PLPP1: variants seen among roughly 807,000 people sequenced by gnomAD.
PLPP1 encodes phospholipid phosphatase 1, also known as lipid phosphate phosphohydrolase 1a.
PLPP1 carries 24 observed loss-of-function variants against 31.2 expected under a neutral mutation model. The ratio of observed to expected loss-of-function variants is 0.77; its 90% CI spans 0.56 to 1.08. PLPP1 has a LOEUF of 1.08. Ranked by LOEUF, PLPP1 falls within the 50% of genes least tolerant of loss-of-function variation. The pLI is 0.00. For synonymous variants in PLPP1, 146 were observed against 126.3 expected (o/e 1.16, Z -1.05); for missense variants, 319 against 342.7 (o/e 0.93, Z 0.55).
At chr5:55,458,453 T>A (rs1052864533) in intron 3 of PLPP1, among the ~76,000 whole-genome samples, 3 of 152,024 alleles carry the variant, frequency 2.0e-5, no homozygotes, top group African/African-American at 7.2e-5. Context: ...TATGAAGATG[T>A]ATATTGTAAC....
At chr5:55,500,103 A>C (rs1579967484) in intron 1 of PLPP1, among the ~76,000 whole-genome samples, 2 of 146,188 alleles carry the variant, frequency 1.4e-5, no homozygotes, top group Non-Finnish European at 3.0e-5. Flanking sequence ...TTTTTGAGAC[A>C]GAGTCTCGCT....
intron 1 of PLPP1, among the ~76,000 whole-genome samples, chr5:55,500,611 T>G (rs1753119700): frequency 6.7e-6 from 1 of 150,268 alleles, no homozygotes; most frequent in African/African-American, 2.4e-5. Context: ...AAGACCAAAA[T>G]CATCACATTT....
At chr5:55,530,720 G>A (rs1420778664) in intron 1 of PLPP1, 11 of 1,570,694 alleles carry the variant, frequency 7.0e-6, no homozygotes, top group African/African-American at 1.4e-5. Context: ...ACATTTCCAC[G>A]ACACAGGGGA....
At chr5:55,497,772 T>A (rs578097346) in intron 1 of PLPP1, among the ~76,000 whole-genome samples, 127 of 152,166 alleles carry the variant, frequency 8.3e-4, no homozygotes, top group South Asian at 2.5e-3. Flanking sequence ...TAGTGCAACC[T>A]CCTGAAGCTG....
rs150805660 is a variant in PLPP1, at chr5:55,479,579, A to C, written c.59-4129T>G. ...GTACAAGGAAGACTGGCTGAAGAAG[A>C]AGCTGAGAACAAAGCAGGTCTACAG... On this transcript the variant is annotated intron_variant, in intron 1 of 5. Coordinates refer to ENST00000307259, the MANE Select transcript of PLPP1 (RefSeq NM_003711.4). Among the ~76,000 whole-genome samples the C allele has an allele frequency of 4.2e-3, 646 of 152,338 alleles. 4 individuals carry two copies. The highest frequency in any genetic ancestry group is 0.015 in the African/African-American group (617 of 41,578).
At position 55,458,284 on chromosome 5, in the gene PLPP1, C is replaced by T. The variant is rs113136342; in HGVS notation, c.491+9585G>A. Reference sequence around the variant, plus strand: ...GCATGCAAAAGCTTGGATATTTATGCCAGAAAATAAGAAGATAGTTAACTC... The same window carrying T: ...GCATGCAAAAGCTTGGATATTTATGTCAGAAAATAAGAAGATAGTTAACTC... On this transcript the variant is annotated intron_variant, in intron 3 of 5. Transcript: ENST00000307259. Among the ~76,000 whole-genome samples, 767 of 151,962 alleles carry T rather than the reference C, an allele frequency of 5.0e-3. 3 individuals carry two copies. The highest frequency in any genetic ancestry group is 0.018 in the African/African-American group (739 of 41,462).
intron 2 of PLPP1, 34 bp from the exon 3 acceptor site, chr5:55,468,183 T>C (rs774584153): frequency 1.3e-6 from 2 of 1,510,008 alleles, no homozygotes; most frequent in Admixed American, 4.1e-5. Flanking sequence ...CATGTTAAAG[T>C]AGCAAGCAGG....
chr5:55,495,639 G>A (rs939325897), intron 1 of PLPP1, among the ~76,000 whole-genome samples: 13 of 152,004 alleles, frequency 8.6e-5, no homozygotes, highest in African/African-American at 2.7e-4. Flanking sequence ...AAGAAACTTA[G>A]TATTGAGCAT....
chr5:55,438,972 G>A (rs1340375539), intron 4 of PLPP1, among the ~76,000 whole-genome samples: 1 of 152,032 alleles, frequency 6.6e-6, no homozygotes, highest in Non-Finnish European at 1.5e-5. Flanking sequence ...AATAAAAGCT[G>A]GGGCCTACAT....
Position 55,465,903 on chromosome 5 carries a change from ATTAAAGAGGC to A in PLPP1, c.491+1956_491+1965del, listed in dbSNP as rs1205354641. ...GCTCTCTGTACCTCCTAGCCATCCA[ATTAAAGAGGC>A]TTTCCCTAGGATACTGCTTGCCCTT... On this transcript the variant is annotated intron_variant, in intron 3 of 5. Transcript: ENST00000307259. 7.9e-5 allele frequency among the ~76,000 whole-genome samples: 12 copies of A among 152,064 alleles called. No individual in the cohort carries two copies. In the East Asian group the frequency reaches 2.1e-3, roughly 27 times the overall value.
At chr5:55,447,481 A>G (rs967754425) in intron 3 of PLPP1, among the ~76,000 whole-genome samples, 1 of 152,256 alleles carries the variant, frequency 6.6e-6, no homozygotes, top group African/African-American at 2.4e-5. Context: ...GTTACTGAGT[A>G]TGTTCAGGTA....
rs1381165698 is a variant in PLPP1, at chr5:55,475,469, T to C, written c.59-19A>G. ...AATCCAGCTAGCAAAAGGGAATAAA[T>C]GAAAATATCATTAAAAAAGAAATAT... On this transcript the variant is annotated intron_variant, in intron 1 of 5. Coordinates refer to ENST00000307259, the MANE Select transcript of PLPP1 (RefSeq NM_003711.4). 3 of 1,575,044 alleles carry C rather than the reference T, an allele frequency of 1.9e-6. No individual in the cohort carries two copies. Among genetic ancestry groups the C allele is most frequent in the South Asian group, 1.2e-5 (1 of 85,068 alleles).
intron 1 of PLPP1, among the ~76,000 whole-genome samples, chr5:55,504,814 C>CTT (rs1170388009): frequency 9.4e-5 from 13 of 138,016 alleles, no homozygotes; most frequent in Admixed American, 3.6e-4. Flanking sequence ...CCTAACTTTC[C>CTT]TTTTTTTTTT....
chr5:55,485,461 T>C (rs1355682484), intron 1 of PLPP1, among the ~76,000 whole-genome samples: 1 of 152,118 alleles, frequency 6.6e-6, no homozygotes, highest in African/African-American at 2.4e-5. Flanking sequence ...CAAAACATAG[T>C]TATTTTGATC....
intron 4 of PLPP1, among the ~76,000 whole-genome samples, chr5:55,437,875 G>C (rs554356839): frequency 6.6e-6 from 1 of 152,312 alleles, no homozygotes; most frequent in African/African-American, 2.4e-5. Context: ...AAAACATCAC[G>C]AAGTATCAAC....
At chr5:55,430,447 A>C (rs949281554) in intron 4 of PLPP1, among the ~76,000 whole-genome samples, 12 of 152,336 alleles carry the variant, frequency 7.9e-5, no homozygotes, top group African/African-American at 2.6e-4. Flanking sequence ...AAAAACTGCA[A>C]CTTAAGCCAC....
chr5:55,501,334 T>G (rs548340670), intron 1 of PLPP1, among the ~76,000 whole-genome samples: 14 of 151,564 alleles, frequency 9.2e-5, no homozygotes, highest in African/African-American at 2.7e-4. Context: ...AACAAACAAA[T>G]AAACAAAAAA....
intron 1 of PLPP1, among the ~76,000 whole-genome samples, chr5:55,492,345 A>G (rs1027507433): frequency 6.6e-6 from 1 of 152,204 alleles, no homozygotes; most frequent in African/African-American, 2.4e-5. Flanking sequence ...ACTGTTCTGT[A>G]TCTTGATTGA....
chr5:55,533,890 C>G (rs966826475), intron 1 of PLPP1, among the ~76,000 whole-genome samples: 3 of 152,162 alleles, frequency 2.0e-5, no homozygotes, highest in Non-Finnish European at 2.9e-5. Flanking sequence ...AATGCGAAAT[C>G]TGCTGCAGCC....
Sources: allele counts gnomAD v4.1 joint callset (sites outside exome capture counted in the v4.1 genomes callset), GRCh38; gene constraint gnomAD v4.1.1; transcripts MANE v1.5; gene names NCBI Gene and HGNC (gene_info 2026-07-23, HGNC 2026-07-21).